NT5DC1: variants seen among roughly 807,000 people sequenced by gnomAD.
The protein encoded by NT5DC1 is 5'-nucleotidase domain-containing protein 1.
Under a neutral mutation model 59.4 loss-of-function variants are expected in NT5DC1, and 42 were observed. The ratio of observed to expected loss-of-function variants is 0.71; its 90% CI spans 0.55 to 0.92. The LOEUF (loss-of-function observed/expected upper bound fraction) is 0.92. NT5DC1 is among the 40% of genes least tolerant of loss of function. The pLI, the probability that NT5DC1 is intolerant of heterozygous loss-of-function variation, is 0.00. For missense variants in NT5DC1, 501 were observed against 537.1 expected (o/e 0.93, Z 0.66); for synonymous variants, 172 against 188.1 (o/e 0.91, Z 0.70).
chr6:116,163,139 A>C (rs76914585), intron 6 of NT5DC1, among the ~76,000 whole-genome samples: 3 of 100,430 alleles, frequency 3.0e-5, no homozygotes, highest in Non-Finnish European at 5.5e-5. Flanking sequence ...AAAAAAAAAA[A>C]AAATATATAT....
chr6:116,152,605 CTTTA>C (rs1780073722), intron 6 of NT5DC1, among the ~76,000 whole-genome samples: 1 of 152,124 alleles, frequency 6.6e-6, no homozygotes, highest in Admixed American at 6.6e-5. Flanking sequence ...TTTACCAGGT[CTTTA>C]TTTAACCCCT....
At chr6:116,186,093 G>T (rs930983969) in intron 6 of NT5DC1, among the ~76,000 whole-genome samples, 1 of 151,964 alleles carries the variant, frequency 6.6e-6, no homozygotes, top group African/African-American at 2.4e-5. Context: ...GCATTTGTTT[G>T]TCTAAAAAAG....
At chr6:116,193,499 C>T (rs1781163325) in intron 6 of NT5DC1, among the ~76,000 whole-genome samples, 1 of 151,968 alleles carries the variant, frequency 6.6e-6, no homozygotes, top group Non-Finnish European at 1.5e-5. Flanking sequence ...CTTTAAGTTA[C>T]TTTGTAAAAT....
At chr6:116,199,086 C>T (rs1029164863) in intron 6 of NT5DC1, among the ~76,000 whole-genome samples, 1 of 151,966 alleles carries the variant, frequency 6.6e-6, no homozygotes, top group African/African-American at 2.4e-5. Context: ...CACCCTCCAC[C>T]CACCAGAAAT....
intron 6 of NT5DC1, among the ~76,000 whole-genome samples, chr6:116,214,266 TTCA>T (rs1210731160): frequency 1.3e-5 from 2 of 151,988 alleles, no homozygotes; most frequent in Non-Finnish European, 1.5e-5. Flanking sequence ...CATAAAACAG[TTCA>T]TCAGGTCTTT....
chr6:116,232,964 T>G (rs1562175522), intron 8 of NT5DC1, among the ~76,000 whole-genome samples: 2 of 152,162 alleles, frequency 1.3e-5, no homozygotes, highest in Admixed American at 1.3e-4. Context: ...CTTCATTAGG[T>G]CAGTTTTTTG....
chr6:116,112,486 G>T (rs1253061287), intron 4 of NT5DC1, among the ~76,000 whole-genome samples: 1 of 152,108 alleles, frequency 6.6e-6, no homozygotes, highest in African/African-American at 2.4e-5. Flanking sequence ...TTCAACTCCT[G>T]TCCTATTTTT....
intron 6 of NT5DC1, among the ~76,000 whole-genome samples, chr6:116,126,852 A>T (rs901734295): frequency 3.1e-4 from 47 of 152,084 alleles, no homozygotes; most frequent in African/African-American, 1.1e-3. Context: ...CTTTCAGCTT[A>T]AAAAAAATAT....
intron 6 of NT5DC1, among the ~76,000 whole-genome samples, chr6:116,201,509 C>A (rs376641337): frequency 2.0e-5 from 3 of 151,924 alleles, no homozygotes; most frequent in African/African-American, 7.2e-5. Context: ...GGGACTGCCT[C>A]GGTAATGCTT....
intron 6 of NT5DC1, among the ~76,000 whole-genome samples, chr6:116,186,911 C>T (rs778941048): frequency 2.6e-5 from 4 of 151,976 alleles, no homozygotes; most frequent in Admixed American, 2.0e-4. Context: ...TGCTGGTGAG[C>T]TAGTGTTATC....
intron 6 of NT5DC1, among the ~76,000 whole-genome samples, chr6:116,164,915 C>G (rs1323140305): frequency 1.3e-5 from 2 of 151,982 alleles, no homozygotes; most frequent in African/African-American, 4.8e-5. Context: ...AACCCCGTCT[C>G]TACTAAAAAA....
In NT5DC1 at chr6:116,117,841, A is replaced by G. The variant is rs760268770; in HGVS notation, c.445-20A>G. On this transcript the variant is annotated intron_variant, in intron 5 of 11. Coordinates refer to ENST00000319550, the MANE Select transcript of NT5DC1 (RefSeq NM_152729.3). The stretch of plus-strand genomic sequence containing the variant: ...AAAACTGAATTATTGTGTTTGTTTC[A>G]TTTGGAATTATTTTTTCAGCTGAAC... 14 of 1,389,078 alleles carry G rather than the reference A, an allele frequency of 1.0e-5. No homozygotes were observed. Among genetic ancestry groups the G allele is most frequent in the South Asian group, 2.4e-5 (2 of 83,422 alleles). The allele number at this position is 1,389,078 out of a possible 1,614,324, so 86.0% of individuals were successfully genotyped here. A position where few individuals can be genotyped will look rare whatever the true frequency, so the allele number is the denominator to read the frequency against.
intron 6 of NT5DC1, among the ~76,000 whole-genome samples, chr6:116,143,405 T>C (rs9481608): frequency 0.51 from 77,480 of 151,838 alleles, 20,884 homozygotes; most frequent in African/African-American, 0.69. Context: ...GTAGAGACGG[T>C]GTTTCACCAT....
intron 6 of NT5DC1, among the ~76,000 whole-genome samples, chr6:116,163,014 C>G (rs1352224382): frequency 2.0e-5 from 3 of 150,936 alleles, no homozygotes; most frequent in Non-Finnish European, 3.0e-5. Flanking sequence ...ATAGTCCCAG[C>G]TACTCAGGAA....
chr6:116,220,012 T>C (rs1781765312), intron 6 of NT5DC1, among the ~76,000 whole-genome samples: 1 of 151,180 alleles, frequency 6.6e-6, no homozygotes, highest in African/African-American at 2.4e-5. Context: ...GTCCTGATAT[T>C]CTTGAAATAT....
chr6:116,233,105 G>A (rs1372117338), intron 8 of NT5DC1, among the ~76,000 whole-genome samples: 2 of 152,132 alleles, frequency 1.3e-5, no homozygotes, highest in Non-Finnish European at 2.9e-5. Flanking sequence ...TGTATATCTT[G>A]TAGAACTTTG....
At chr6:116,120,306 G>A (rs1317180153) in intron 6 of NT5DC1, 2 of 1,614,162 alleles carry the variant, frequency 1.2e-6, no homozygotes, top group Non-Finnish European at 1.7e-6. Context: ...CCTTTCACAT[G>A]CACGTGGTAT....
Position 116,194,716 on chromosome 6 carries a change from T to G in NT5DC1, c.530-26338T>G, listed in dbSNP as rs376486600. Reference sequence around the variant, plus strand: ...AGAACTACAAGTATAATTATATTATTTAGAGTTTTGAATGTAAATTATCAG... The same window carrying G: ...AGAACTACAAGTATAATTATATTATGTAGAGTTTTGAATGTAAATTATCAG... On this transcript the variant is annotated intron_variant, in intron 6 of 11. Coordinates refer to ENST00000319550, the MANE Select transcript of NT5DC1 (RefSeq NM_152729.3). 1.4e-4 allele frequency among the ~76,000 whole-genome samples: 22 copies of G among 152,160 alleles called. No individual in the cohort carries two copies. In the East Asian group the frequency reaches 1.6e-3, roughly 11 times the overall value.
rs754325973 is a variant in NT5DC1, at chr6:116,237,134, C to T, written c.921+50C>T. The T allele has an allele frequency of 4.0e-5, 39 of 984,066 alleles. No homozygotes were observed. In the East Asian group the frequency reaches 9.3e-4, roughly 23 times the overall value. The allele number at this position is 984,066 out of a possible 1,614,324, so 61.0% of individuals were successfully genotyped here. On this transcript the variant is annotated intron_variant, in intron 9 of 11. Transcript: ENST00000319550. ...CTCAGTGCCCACTTGCAGACATAAGCAGTTGTGAACTGCCAAATCTCTCCT... is the reference window on the plus strand; with the variant it reads ...CTCAGTGCCCACTTGCAGACATAAGTAGTTGTGAACTGCCAAATCTCTCCT...
Sources: gnomAD v4.1 joint callset for allele counts (sites outside exome capture counted in the v4.1 genomes callset) on GRCh38, gnomAD v4.1.1 for gene constraint, MANE v1.5 for transcripts, NCBI Gene and HGNC (gene_info 2026-07-23, HGNC 2026-07-21) for gene names.